The following GPC5 variants were observed in gnomAD, a reference collection of about 807,000 sequenced individuals.
GPC5 encodes the protein glypican-5.
Under a neutral mutation model 53.9 loss-of-function variants are expected in GPC5, and 47 were observed. The ratio of observed to expected loss-of-function variants is 0.87; its 90% confidence interval spans 0.69 to 1.11. The LOEUF (loss-of-function observed/expected upper bound fraction) is 1.11. Ranked by LOEUF, GPC5 falls within the 50% of genes most tolerant of loss-of-function variation. The pLI is 0.00. For missense variants in GPC5, 748 were observed against 713.1 expected, an observed-to-expected ratio of 1.05 and a Z score of -0.56; for synonymous variants, 286 against 263.3, an observed-to-expected ratio of 1.09 and a Z score of -0.84.
At chr13:91,781,945 T>C (rs2037804824) in intron 5 of GPC5, among the ~76,000 whole-genome samples, 4 of 151,764 alleles carry the variant, frequency 2.6e-5, no homozygotes, top group Admixed American at 2.6e-4. Context: ...TCCTGAAGAA[T>C]AAGAACGAGA....
chr13:91,459,828 A>G (rs981029395), intron 2 of GPC5, among the ~76,000 whole-genome samples: 11 of 152,178 alleles, frequency 7.2e-5, no homozygotes, highest in Non-Finnish European at 1.5e-4. Context: ...AAATATATCT[A>G]GATATGAAAA....
At chr13:91,598,447 A>G (rs1594310797) in intron 2 of GPC5, among the ~76,000 whole-genome samples, 2 of 151,998 alleles carry the variant, frequency 1.3e-5, no homozygotes, top group East Asian at 1.9e-4. Context: ...TGAGTATCTG[A>G]TTAGAATATC....
chr13:91,988,630 C>T (rs186300339), intron 6 of GPC5, among the ~76,000 whole-genome samples: 1 of 152,092 alleles, frequency 6.6e-6, no homozygotes, highest in Non-Finnish European at 1.5e-5. Context: ...CTCCTGTATG[C>T]CAAGCTAGCA....
intron 2 of GPC5, among the ~76,000 whole-genome samples, chr13:91,465,857 C>T (rs1882202889): frequency 2.0e-5 from 3 of 152,122 alleles, no homozygotes; most frequent in Admixed American, 2.0e-4. Context: ...AATTCCAGTC[C>T]ATTCTAGTAG....
At chr13:92,664,029 G>T (rs878913971) in intron 7 of GPC5, among the ~76,000 whole-genome samples, 1 of 150,850 alleles carries the variant, frequency 6.6e-6, no homozygotes, top group Non-Finnish European at 1.5e-5. Context: ...CCGAGATTGC[G>T]CCACTGCACT....
intron 6 of GPC5, among the ~76,000 whole-genome samples, chr13:92,127,431 A>G (rs1328705089): frequency 1.3e-5 from 2 of 152,134 alleles, no homozygotes; most frequent in African/African-American, 2.4e-5. Flanking sequence ...AAAAAATCCA[A>G]TGATTTAAAA....
chr13:91,943,036 A>G (rs1315902790), intron 6 of GPC5, among the ~76,000 whole-genome samples: 3 of 152,128 alleles, frequency 2.0e-5, no homozygotes, highest in African/African-American at 7.2e-5. Flanking sequence ...TGGATTGTCC[A>G]TCTGTATGCA....
At chr13:92,806,375 C>T (rs1036363315) in intron 7 of GPC5, among the ~76,000 whole-genome samples, 1 of 152,040 alleles carries the variant, frequency 6.6e-6, no homozygotes, top group African/African-American at 2.4e-5. Flanking sequence ...CGTTTTCTAC[C>T]TCAGCAATAA....
chr13:92,546,946 G>A (rs1452602218), intron 7 of GPC5, among the ~76,000 whole-genome samples: 2 of 152,086 alleles, frequency 1.3e-5, no homozygotes, highest in African/African-American at 4.8e-5. Flanking sequence ...AAATGGTGCT[G>A]GGAAAACTGG....
At chr13:91,558,103 A>G (rs2138885436) in intron 2 of GPC5, among the ~76,000 whole-genome samples, 1 of 152,262 alleles carries the variant, frequency 6.6e-6, no homozygotes, top group East Asian at 1.9e-4. Flanking sequence ...CTTACAGAAT[A>G]GGAAAGGAAT....
intron 7 of GPC5, among the ~76,000 whole-genome samples, chr13:92,570,250 T>A (rs2139040023): frequency 6.6e-6 from 1 of 152,250 alleles, no homozygotes; most frequent in African/African-American, 2.4e-5. Context: ...TTTTCTATAA[T>A]TTCTAAGTCA....
At chr13:92,072,307 C>T (rs1435996863) in intron 6 of GPC5, among the ~76,000 whole-genome samples, 1 of 151,468 alleles carries the variant, frequency 6.6e-6, no homozygotes, top group Non-Finnish European at 1.5e-5. Context: ...CCCTCTGTTG[C>T]CCAGGCTGGA....
At chr13:91,428,800 G>A (rs2139014327) in intron 1 of GPC5, among the ~76,000 whole-genome samples, 1 of 152,088 alleles carries the variant, frequency 6.6e-6, no homozygotes, top group South Asian at 2.1e-4. Flanking sequence ...TGAACATAAA[G>A]CTTTTCTAGG....
chr13:92,812,241 T>C (rs984981159), intron 7 of GPC5, among the ~76,000 whole-genome samples: 1 of 151,940 alleles, frequency 6.6e-6, no homozygotes, highest in Non-Finnish European at 1.5e-5. Context: ...AACTTGTATA[T>C]ATCTTCTTTA....
intron 7 of GPC5, among the ~76,000 whole-genome samples, chr13:92,577,238 G>C (rs1009893659): frequency 2.6e-5 from 4 of 152,120 alleles, no homozygotes; most frequent in African/African-American, 4.8e-5. Flanking sequence ...GTGAAGGTAT[G>C]TTTAAAAGAT....
In GPC5 at chr13:92,157,695, T is replaced by C. The variant is rs1043824468; in HGVS notation, c.1561+12706T>C. On this transcript the variant is annotated intron_variant, in intron 7 of 7. Transcript: ENST00000377067. ...AACATAAAGGAAATGCAAAAACTGATTCTGGTGAGGTTTATCGTTATTTTT... is the reference window on the plus strand; with the variant it reads ...AACATAAAGGAAATGCAAAAACTGACTCTGGTGAGGTTTATCGTTATTTTT... Among the ~76,000 whole-genome samples the C allele has an allele frequency of 9.2e-5, 14 of 152,188 alleles. 1 individual carries two copies. The highest frequency in any genetic ancestry group is 1.3e-4 in the Non-Finnish European group (9 of 68,026).
intron 7 of GPC5, among the ~76,000 whole-genome samples, chr13:92,432,780 G>T (rs1016670074): frequency 6.6e-6 from 1 of 152,024 alleles, no homozygotes; most frequent in Non-Finnish European, 1.5e-5. Context: ...CAAGAGTTTG[G>T]TTGAATATAA....
chr13:91,526,211 T>C (rs934469974), intron 2 of GPC5, among the ~76,000 whole-genome samples: 3 of 152,240 alleles, frequency 2.0e-5, no homozygotes, highest in Admixed American at 6.5e-5. Flanking sequence ...GTGAGATACA[T>C]TGCTGCATCT....
rs145407312 is a variant in GPC5 at position 92,593,685 on chromosome 13, A to G, written c.1562-272597A>G. ...CTTTCTTGAGAAGAAGGACATGGTGAAGGAGACCAAGAAGATGCAACTGAT... is the reference window on the plus strand; with the variant it reads ...CTTTCTTGAGAAGAAGGACATGGTGGAGGAGACCAAGAAGATGCAACTGAT... On this transcript the variant is annotated intron_variant, in intron 7 of 7. Coordinates refer to ENST00000377067, the MANE Select transcript of GPC5 (RefSeq NM_004466.6). Among the ~76,000 whole-genome samples the G allele has an allele frequency of 6.7e-3, 1,017 of 152,218 alleles. 12 individuals carry two copies. Among genetic ancestry groups the G allele is most frequent in the African/African-American group, 0.023 (963 of 41,542 alleles).
Sources: gnomAD v4.1 joint callset for allele counts (sites outside exome capture counted in the v4.1 genomes callset) on GRCh38, gnomAD v4.1.1 for gene constraint, MANE v1.5 for transcripts, NCBI Gene and HGNC (gene_info 2026-07-23, HGNC 2026-07-21) for gene names.